UPRT: variants seen among roughly 807,000 people sequenced by gnomAD.
The protein encoded by UPRT is uracil phosphoribosyltransferase homolog.
Under a neutral mutation model 22.6 loss-of-function variants are expected in UPRT, and 5 were observed. That is an observed-to-expected ratio of 0.22 (90% CI 0.12 to 0.47). UPRT has a LOEUF of 0.47. Ranked by LOEUF, UPRT falls within the 20% of genes least tolerant of loss-of-function variation. The probability of loss-of-function intolerance (pLI) is 0.99; values close to 1 mark genes in which losing one functional copy is unlikely to be tolerated. For synonymous variants in UPRT, 77 were observed against 87.7 expected (o/e 0.88, Z 0.68); for missense variants, 181 against 239.9 (o/e 0.75, Z 1.62).
chrX:75,275,676 T>C (rs746677030), intron 1 of UPRT, among the ~76,000 whole-genome samples: 1 of 111,397 alleles, frequency 9.0e-6, no homozygotes, highest in African/African-American at 3.3e-5. Context: ...TTCTTTGGCT[T>C]CTCAGAGCCT....
intron 1 of UPRT, among the ~76,000 whole-genome samples, chrX:75,157,302 A>T (rs2082184599): frequency 8.9e-6 from 1 of 112,456 alleles, no homozygotes; most frequent in Middle Eastern, 4.6e-3. Flanking sequence ...AGTCTGATAA[A>T]GAAAAACAGA....
upstream of UPRT, among the ~76,000 whole-genome samples, chrX:75,270,807 C>T (rs148071014): frequency 0.013 from 1,455 of 110,869 alleles, 15 homozygotes; most frequent in Middle Eastern, 0.032. Context: ...GTAATGTAGG[C>T]GATGGGTTGA....
upstream of UPRT, among the ~76,000 whole-genome samples, chrX:75,270,213 G>A (rs1004961293): frequency 6.3e-5 from 7 of 111,436 alleles, no homozygotes; most frequent in South Asian, 3.8e-4. Context: ...ACATACCATC[G>A]CACGCCAATT....
At chrX:75,260,138 G>C (rs1186559651) in intron 4 of UPRT, among the ~76,000 whole-genome samples, 2 of 112,147 alleles carry the variant, frequency 1.8e-5, no homozygotes, top group African/African-American at 6.5e-5. Context: ...ACGGGTACCA[G>C]CCACTGCAAA....
intron 4 of UPRT, among the ~76,000 whole-genome samples, chrX:75,218,640 A>C (rs1439724791): frequency 2.1e-5 from 2 of 96,178 alleles, no homozygotes; most frequent in Non-Finnish European, 4.2e-5. Context: ...AACCAACCCA[A>C]ATGTCCAACA....
intron 4 of UPRT, among the ~76,000 whole-genome samples, chrX:75,190,397 G>T (rs2082310896): frequency 9.0e-6 from 1 of 111,583 alleles, no homozygotes; most frequent in South Asian, 3.8e-4. Flanking sequence ...CTTTCTCTCT[G>T]GCTGCCCTTA....
chrX:75,303,451 T>C lies in UPRT; in HGVS notation c.870T>C (p.Thr290=), dbSNP rs1337363856. The C allele has an allele frequency of 8.3e-7, 1 of 1,208,682 alleles. No individual in the cohort carries two copies. The highest frequency in any genetic ancestry group is 1.1e-6 in the Non-Finnish European group (1 of 894,587). The change falls in exon 7 of 7, where the codon ACT becomes ACC. Residue 290 remains threonine, a synonymous_variant. Transcript: ENST00000373383. The stretch of plus-strand genomic sequence containing the variant: ...AGTTTCCAGAGATCACAATTTTAAC[T>C]ACTGAAGTTCATCCTGTTGCACCTA... ...IQEFPEITIL[T]TEVHPVAPTH...
intron 4 of UPRT, 95 bp downstream of exon 4, chrX:75,297,648 G>T: frequency 1.0e-6 from 1 of 982,134 alleles, no homozygotes; most frequent in Non-Finnish European, 1.4e-6. Context: ...CATAATTGCA[G>T]CCTGCCTTTA....
At chrX:75,243,059 T>C (rs1056276011) in intron 4 of UPRT, among the ~76,000 whole-genome samples, 6 of 111,523 alleles carry the variant, frequency 5.4e-5, no homozygotes, top group Non-Finnish European at 1.1e-4. Context: ...TTTTTTTTTC[T>C]TTATTTGGTT....
At chrX:75,283,987 A>G (rs1275012789) in intron 1 of UPRT, among the ~76,000 whole-genome samples, 1 of 110,900 alleles carries the variant, frequency 9.0e-6, no homozygotes, top group Non-Finnish European at 1.9e-5. Flanking sequence ...CTTTGTTCAT[A>G]TTTTCTTATT....
intron 4 of UPRT, among the ~76,000 whole-genome samples, chrX:75,216,476 G>A (rs947217327): frequency 8.9e-5 from 10 of 112,437 alleles, no homozygotes; most frequent in Non-Finnish European, 1.7e-4. Flanking sequence ...ATAATTCTCT[G>A]AAGTCTACTC....
chrX:75,256,364 G>T (rs778631547), intron 4 of UPRT, among the ~76,000 whole-genome samples: 1 of 111,546 alleles, frequency 9.0e-6, no homozygotes, highest in Non-Finnish European at 1.9e-5. Flanking sequence ...CAGCAAAGCT[G>T]GTGCTAAGAG....
At chrX:75,253,157 G>A (rs2082537551) in intron 4 of UPRT, among the ~76,000 whole-genome samples, 1 of 111,180 alleles carries the variant, frequency 9.0e-6, no homozygotes, top group Non-Finnish European at 1.9e-5. Flanking sequence ...AAACCTGCAC[G>A]TTGTGCACAT....
At chrX:75,286,697 A>G (rs980516652) in intron 1 of UPRT, among the ~76,000 whole-genome samples, 1 of 112,083 alleles carries the variant, frequency 8.9e-6, no homozygotes, top group Non-Finnish European at 1.9e-5. Context: ...ATACATATCA[A>G]TCGGAGTCAC....
upstream of UPRT, among the ~76,000 whole-genome samples, chrX:75,272,023 G>A (rs1280377556): frequency 9.1e-6 from 1 of 109,827 alleles, no homozygotes; most frequent in Admixed American, 9.9e-5. Context: ...GGCAAACAGG[G>A]AACACTGCTA....
At chrX:75,248,820 T>A (rs1432723808) in intron 4 of UPRT, among the ~76,000 whole-genome samples, 2 of 111,753 alleles carry the variant, frequency 1.8e-5, no homozygotes, top group Non-Finnish European at 3.8e-5. Context: ...AAAGGTCGGG[T>A]TATCCACAAA....
At chrX:75,157,962 C>G in intron 1 of UPRT, among the ~76,000 whole-genome samples, 1 of 112,374 alleles carries the variant, frequency 8.9e-6, no homozygotes, top group African/African-American at 3.2e-5. Flanking sequence ...ACTCTAGACT[C>G]TACTAATGAT....
intron 4 of UPRT, among the ~76,000 whole-genome samples, chrX:75,265,748 G>T (rs1439206859): frequency 9.0e-6 from 1 of 110,992 alleles, no homozygotes; most frequent in Admixed American, 9.7e-5. Flanking sequence ...TGGAGGAGGC[G>T]AGGCACTCTG....
intron 4 of UPRT, among the ~76,000 whole-genome samples, chrX:75,249,488 T>C (rs2090287583): frequency 8.9e-6 from 1 of 111,748 alleles, no homozygotes. Flanking sequence ...GGTAAAATGA[T>C]CAATTCAACA....
Sources: allele counts gnomAD v4.1 joint callset (sites outside exome capture counted in the v4.1 genomes callset), GRCh38; gene constraint gnomAD v4.1.1; transcripts MANE v1.5; gene names NCBI Gene and HGNC (gene_info 2026-07-23, HGNC 2026-07-21).